Variants in MACF1 observed in about 807,000 individuals in gnomAD.
The protein encoded by MACF1 is microtubule-actin cross-linking factor 1.
In MACF1, 193 loss-of-function variants were observed where a neutral mutation model predicts 854.8. The ratio of observed to expected loss-of-function variants is 0.23; its 90% CI spans 0.20 to 0.25. The LOEUF (loss-of-function observed/expected upper bound fraction) is 0.25. MACF1 is among the 10% of genes least tolerant of loss of function. The pLI, the probability that MACF1 is intolerant of heterozygous loss-of-function variation, is 1.00. For missense variants in MACF1, 7,722 were observed against 8,929.1 expected, an observed-to-expected ratio of 0.86 and a Z score of 5.45; for synonymous variants, 3,185 against 3,226.7, an observed-to-expected ratio of 0.99 and a Z score of 0.44.
At chr1:39,394,242 G>GATTT (rs1319096899) in intron 58 of MACF1, among the ~76,000 whole-genome samples, 4 of 102,378 alleles carry the variant, frequency 3.9e-5, no homozygotes, top group African/African-American at 1.9e-4. Context: ...GCCTTCATTT[G>GATTT]ATTGATTGAT....
intron 2 of MACF1, among the ~76,000 whole-genome samples, chr1:39,239,399 A>G (rs1644896491): frequency 6.6e-6 from 1 of 152,254 alleles, no homozygotes. Context: ...TTTGGGAAAC[A>G]GCTTACTTTG....
At position 39,347,017 on chromosome 1, in the gene MACF1, A is replaced by T; in HGVS notation, c.10622A>T (p.Asp3541Val). The T allele has an allele frequency of 6.2e-7, 1 of 1,613,950 alleles. No individual in the cohort carries two copies. The highest frequency in any genetic ancestry group is 8.5e-7 in the Non-Finnish European group (1 of 1,179,948). Reference sequence around the variant, plus strand: ...ATGGCTGAAAGGAAAGCTCAGCTGGATGCTCTTGCTTTTGATATTCAGTTC... The same window carrying T: ...ATGGCTGAAAGGAAAGCTCAGCTGGTTGCTCTTGCTTTTGATATTCAGTTC... The part of the protein sequence containing the change: ...QPMAERKAQL[D>V]ALAFDIQFFI... Residue 3541 changes from aspartate (D) to valine (V), a missense_variant, in exon 41 of 101, where the codon GAT becomes GTT. Asp to Val is a radical substitution (Grantham distance 152). This residue lies in a region of MACF1 where 854 missense variants were observed against 852.6 expected (regional missense o/e 1.00). Coordinates refer to ENST00000564288, the MANE Select transcript of MACF1 (RefSeq NM_001394062.1).
intron 49 of MACF1, among the ~76,000 whole-genome samples, chr1:39,364,096 CCT>C (rs1557611188): frequency 6.6e-6 from 1 of 152,054 alleles, no homozygotes; most frequent in Non-Finnish European, 1.5e-5. Context: ...GCCAAATTCC[CCT>C]CCATTGAAAT....
intron 2 of MACF1, among the ~76,000 whole-genome samples, chr1:39,161,505 A>G (rs1431253254): frequency 6.6e-6 from 1 of 151,884 alleles, no homozygotes; most frequent in Non-Finnish European, 1.5e-5. Flanking sequence ...GGAGTTTGAG[A>G]CCATCCTGGG....
In MACF1 at chr1:39,310,853, C is replaced by T. The variant is rs754270749; in HGVS notation, c.3123C>T (p.Ala1041=). Reference sequence around the variant, plus strand: ...CAGAGGACAAAGAGGAGACTGTGGCCAAGATGTACATTTCAGAGTTGAAGA... The same window carrying T: ...CAGAGGACAAAGAGGAGACTGTGGCTAAGATGTACATTTCAGAGTTGAAGA... ...MENEDKEETV[A]KMYISELKNI... is the part of the protein sequence containing the mutation. The change falls in exon 26 of 101, where the codon GCC becomes GCT. Residue 1041 remains alanine, a synonymous_variant. Transcript: ENST00000564288. The T allele has an allele frequency of 1.5e-5, 24 of 1,612,690 alleles. No homozygotes were observed. The South Asian group carries it at 1.7e-4, about 11-fold the overall frequency.
rs759571241 is a variant in MACF1, at chr1:39,380,439, C to T, written c.13648+66C>T. On this transcript the variant is annotated intron_variant, in intron 55 of 100. Coordinates refer to ENST00000564288, the MANE Select transcript of MACF1 (RefSeq NM_001394062.1). ...TGTCTTCAAAGCAAGTAGAGAATTTCAGCACATCCTATAAAACAGGAATTA... is the reference window on the plus strand; with the variant it reads ...TGTCTTCAAAGCAAGTAGAGAATTTTAGCACATCCTATAAAACAGGAATTA... The T allele has an allele frequency of 4.1e-6, 6 of 1,470,986 alleles. No individual in the cohort carries two copies. In the African/African-American group the frequency reaches 4.3e-5, roughly 10 times the overall value. 91.1% of individuals were successfully genotyped at this position (1,470,986 alleles called of 1,614,324 possible).
Position 39,455,041 on chromosome 1 carries a change from C to G in MACF1, c.21019C>G (p.Gln7007Glu). Residue 7007 changes from glutamine (Q) to glutamate (E), a missense_variant, in exon 89 of 101, where the codon CAG becomes GAG. This residue lies in a region of MACF1 where 729 missense variants were observed against 900.5 expected (regional missense o/e 0.81). Transcript: ENST00000564288. Reference sequence around the variant, plus strand: ...TGAGACCACCCTCATTCAGCGGGATCAGGAGCCAATCCCGCAGAACATTGA... The same window carrying G: ...TGAGACCACCCTCATTCAGCGGGATGAGGAGCCAATCCCGCAGAACATTGA... ...WAETTLIQRD[Q>E]EPIPQNIDRV... The G allele has an allele frequency of 6.2e-6, 10 of 1,614,138 alleles. No homozygotes were observed. The highest frequency in any genetic ancestry group is 8.5e-6 in the Non-Finnish European group (10 of 1,180,014).
At chr1:39,412,457 T>C (rs759594851) in intron 58 of MACF1, 4 of 1,614,056 alleles carry the variant, frequency 2.5e-6, no homozygotes, top group Non-Finnish European at 2.5e-6. Context: ...GCCACACTTT[T>C]GGAGGATCAA....
At chr1:39,232,746 GTTTTTTTTTTT>G (rs10712180) in intron 2 of MACF1, among the ~76,000 whole-genome samples, 5 of 128,502 alleles carry the variant, frequency 3.9e-5, no homozygotes, top group African/African-American at 1.5e-4. Context: ...TACTCTCTTT[GTTTTTTTTTTT>G]TTTTTTTTTT....
chr1:39,316,276 G>A (rs1486807473), intron 27 of MACF1, 115 bp from the exon 28 acceptor site: 1 of 772,992 alleles, frequency 1.3e-6, no homozygotes, highest in African/African-American at 1.8e-5. Context: ...ATCTAAAAAT[G>A]GTGACATTGA....
At chr1:39,170,101 C>G (rs1363612748) in intron 2 of MACF1, among the ~76,000 whole-genome samples, 1 of 152,036 alleles carries the variant, frequency 6.6e-6, no homozygotes, top group African/African-American at 2.4e-5. Context: ...CTTTAGTTCT[C>G]TTTACCTGGA....
chr1:39,126,542 C>G (rs916538216), intron 2 of MACF1, among the ~76,000 whole-genome samples: 2 of 152,162 alleles, frequency 1.3e-5, no homozygotes, highest in Non-Finnish European at 2.9e-5. Flanking sequence ...AATCCCAGCA[C>G]TTTGGGAGGC....
intron 2 of MACF1, among the ~76,000 whole-genome samples, chr1:39,104,648 T>TC (rs1014928665): frequency 2.0e-5 from 3 of 152,208 alleles, no homozygotes; most frequent in African/African-American, 7.2e-5. Context: ...GCATTCAGAA[T>TC]CCCGTTTTCG....
rs1336867119 is a variant in MACF1 at position 39,430,824 on chromosome 1, T to C, written c.17253T>C (p.Asp5751=). The C allele has an allele frequency of 5.6e-6, 9 of 1,612,642 alleles. No individual in the cohort carries two copies. The highest frequency in any genetic ancestry group is 3.3e-5 in the South Asian group (3 of 91,016). ...AREGLDKLVS[D]ANEQYKLVSD... The stretch of plus-strand genomic sequence containing the variant: ...AAGGGCTGGATAAACTTGTGTCCGA[T>C]GCTAACGAGCAGTACAAACTAGTCA... Residue 5751 remains aspartate, a synonymous_variant, in exon 66 of 101, where the codon GAT becomes GAC. Transcript: ENST00000564288.
intron 2 of MACF1, among the ~76,000 whole-genome samples, chr1:39,087,050 T>C (rs1641690650): frequency 6.6e-6 from 1 of 152,170 alleles, no homozygotes; most frequent in Non-Finnish European, 1.5e-5. Flanking sequence ...GATTTTAGAA[T>C]GCTGTGGGGG....
At position 39,357,710 on chromosome 1, in the gene MACF1, A is replaced by G. The variant is rs764884813; in HGVS notation, c.11760A>G (p.Gln3920=). 4 of 1,614,170 alleles carry G rather than the reference A, an allele frequency of 2.5e-6. No individual in the cohort carries two copies. Among genetic ancestry groups the G allele is most frequent in the Non-Finnish European group, 3.4e-6 (4 of 1,180,010 alleles). Residue 3920 remains glutamine (Q), a synonymous_variant, in exon 45 of 101, where the codon CAA becomes CAG. Transcript: ENST00000564288. ...CCCTTCCCTCCCTGCTAAAGCGGCA[A>G]GGAAGCTTCTCAGAGGATGTCATTT... ...PETLPSLLKR[Q]GSFSEDVISH...
At chr1:39,119,317 CAAAAAAAA>C (rs745686071) in intron 2 of MACF1, among the ~76,000 whole-genome samples, 71 of 84,762 alleles carry the variant, frequency 8.4e-4, no homozygotes, top group Non-Finnish European at 1.3e-3. Flanking sequence ...AACTCCGTCT[CAAAAAAAA>C]AAAAAAAAAA....
At chr1:39,371,053 C>T (rs1000967397) in intron 51 of MACF1, among the ~76,000 whole-genome samples, 1 of 152,062 alleles carries the variant, frequency 6.6e-6, no homozygotes, top group African/African-American at 2.4e-5. Context: ...GGCGCAGTGG[C>T]TCAACGCCTG....
intron 69 of MACF1, among the ~76,000 whole-genome samples, chr1:39,434,911 G>T (rs890539222): frequency 2.6e-5 from 4 of 152,186 alleles, no homozygotes; most frequent in African/African-American, 9.7e-5. Context: ...TATTTCCGGG[G>T]ATAATAGGGT....
Sources: allele counts gnomAD v4.1 joint callset (sites outside exome capture counted in the v4.1 genomes callset), GRCh38; gene constraint gnomAD v4.1.1; regional missense constraint gnomAD v4.1.1; transcripts MANE v1.5; gene names NCBI Gene and HGNC (gene_info 2026-07-23, HGNC 2026-07-21).